Variants in SRSF3 observed in about 807,000 individuals in gnomAD.
SRSF3 encodes serine and arginine rich splicing factor 3.
For missense variants in SRSF3, 58 were observed against 217.1 expected (o/e 0.27, Z 4.61); for synonymous variants, 87 against 73.6 (o/e 1.18, Z -0.93).
chr6:36,602,071 A>C lies in SRSF3; in HGVS notation c.*82A>C. On this transcript the variant is annotated 3_prime_UTR_variant, in exon 6 of 6. Transcript: ENST00000373715. Reference sequence around the variant, plus strand: ...GTACAGAAAATTCAAGTTTTGTTTGAGACTTCATAAGCTTGGTGCATTTTT... The same window carrying C: ...GTACAGAAAATTCAAGTTTTGTTTGCGACTTCATAAGCTTGGTGCATTTTT... 6.4e-7 allele frequency: 1 copy of C among 1,552,516 alleles called. No homozygotes were observed. The highest frequency in any genetic ancestry group is 8.6e-7 in the Non-Finnish European group (1 of 1,158,022).
rs757672108 is a variant in SRSF3 at position 36,598,833 on chromosome 6, A to G, written c.207-16A>G. On this transcript the variant is annotated splice_polypyrimidine_tract_variant and intron_variant, in intron 2 of 5. Coordinates refer to ENST00000373715, the MANE Select transcript of SRSF3 (RefSeq NM_003017.5). ...AAAGTCAGGCTGTTTTAAGTTTAAT[A>G]TCTTTGCCCCCTCAGAACACTATGT... is the stretch of plus-strand genomic sequence containing the variant. 5 of 1,610,002 alleles carry G rather than the reference A, an allele frequency of 3.1e-6. No homozygotes were observed. In the South Asian group the frequency reaches 3.3e-5, roughly 11 times the overall value.
chr6:36,601,541 A>C (rs973847956), intron 4 of SRSF3, 167 bp from the exon 5 acceptor site: 9 of 656,920 alleles, frequency 1.4e-5, no homozygotes, highest in Admixed American at 8.0e-5. Flanking sequence ...ATGGGATCTC[A>C]CTTTGTTGTC....
chr6:36,602,425 G>A lies in SRSF3; in HGVS notation c.*436G>A, dbSNP rs11552549. The A allele has an allele frequency of 0.024, 5,567 of 231,918 alleles. 80 individuals are homozygous for A. Among genetic ancestry groups the A allele is most frequent in the African/African-American group, 0.039 (1,769 of 45,268 alleles). The allele number at this position is 231,918 out of a possible 1,614,324, so 14.4% of individuals were successfully genotyped here. On this transcript the variant is annotated 3_prime_UTR_variant, in exon 6 of 6. Coordinates refer to ENST00000373715, the MANE Select transcript of SRSF3 (RefSeq NM_003017.5). ...GAACAAGCAGTCTTTAAAAACTGCT[G>A]TGAAACACAGGCCATCAGGGAAAAC...
intron 3 of SRSF3, chr6:36,599,675 T>TA (rs1644118531): frequency 1.7e-6 from 1 of 585,602 alleles, no homozygotes; most frequent in African/African-American, 1.9e-5. Context: ...TCTTGCCCCT[T>TA]TTGCTATTTT....
intron 5 of SRSF3, 31 bp from the exon 6 acceptor site, chr6:36,601,931 T>C (rs1671512306): frequency 6.3e-7 from 1 of 1,575,344 alleles, no homozygotes; most frequent in Non-Finnish European, 8.6e-7. Context: ...AGATGTAATG[T>C]TTTGTTTTCT....
chr6:36,596,085 C>G (rs933346976), intron 1 of SRSF3, among the ~76,000 whole-genome samples: 1 of 151,800 alleles, frequency 6.6e-6, no homozygotes, highest in South Asian at 2.1e-4. Flanking sequence ...CCACCATGCC[C>G]GGCTAATTTT....
At chr6:36,600,537 T>C (rs1462129815) in intron 3 of SRSF3, 1 of 155,200 alleles carries the variant, frequency 6.4e-6, no homozygotes, top group Non-Finnish European at 1.4e-5. Context: ...AAAAATTTGT[T>C]GAATCCTATC....
intron 4 of SRSF3, 109 bp from the exon 5 acceptor site, chr6:36,601,599 C>T (rs1269722005): frequency 6.0e-5 from 64 of 1,073,114 alleles, no homozygotes; most frequent in Non-Finnish European, 8.5e-5. Context: ...CTGCCTCTGC[C>T]TCCCAAAATA....
intron 3 of SRSF3, 29 bp downstream of exon 3, chr6:36,599,012 A>G (rs756368138): frequency 4.3e-6 from 7 of 1,612,710 alleles, no homozygotes; most frequent in South Asian, 2.2e-5. Context: ...GTTAAGAGGT[A>G]TTGGTGTAAT....
Position 36,601,946 on chromosome 6 carries a change from T to TC in SRSF3, c.468-16_468-15insC. 1 of 1,555,272 alleles carries TC rather than the reference T, an allele frequency of 6.4e-7. No individual in the cohort carries two copies. The highest frequency in any genetic ancestry group is 8.7e-7 in the Non-Finnish European group (1 of 1,152,510). On this transcript the variant is annotated splice_polypyrimidine_tract_variant and intron_variant, in intron 5 of 5. Transcript: ENST00000373715. ...AGATGTAATGTTTTGTTTTCTTTTT[T>TC]TTTTTTTTTTTTTAGTCGATCTAGG...
chr6:36,605,219 A>T lies in SRSF3; in HGVS notation c.*3230A>T, dbSNP rs541798387. 1 of 152,080 alleles carries T rather than the reference A, an allele frequency of 6.6e-6. No individual in the cohort carries two copies. Among genetic ancestry groups the T allele is most frequent in the Non-Finnish European group, 1.5e-5 (1 of 68,020 alleles). 9.4% of individuals were successfully genotyped at this position (152,080 alleles called of 1,614,324 possible). On this transcript the variant is annotated 3_prime_UTR_variant, in exon 6 of 6. Coordinates refer to ENST00000373715, the MANE Select transcript of SRSF3 (RefSeq NM_003017.5). ...TTGAAATTTGTTTTGGCTGGGTGTG[A>T]TGGCTCATGCCTGTAATCCCGGTGC...
chr6:36,596,699 GATCTGTGGTTTTAACTGT>G, intron 1 of SRSF3, 44 bp from the exon 2 acceptor site: 1 of 1,452,972 alleles, frequency 6.9e-7, no homozygotes, highest in Non-Finnish European at 9.7e-7. Flanking sequence ...TCTTTCTAAG[GATCTGTGGTTTTAACTGT>G]AGATGTTTAG....
intron 3 of SRSF3, 160 bp from the exon 4 acceptor site, chr6:36,600,992 C>CTTTTTTTT (rs1169887735): frequency 2.9e-5 from 10 of 340,300 alleles, no homozygotes; most frequent in South Asian, 6.9e-5. Context: ...TTTTTCTTTT[C>CTTTTTTTT]TTTTTTTTCT....
Position 36,595,261 on chromosome 6 carries a change from T to G in SRSF3, c.-3+780T>G, listed in dbSNP as rs138344401. 2.9e-3 allele frequency among the ~76,000 whole-genome samples: 447 copies of G among 152,332 alleles called. 2 individuals are homozygous for G. Among genetic ancestry groups the G allele is most frequent in the African/African-American group, 9.9e-3 (411 of 41,576 alleles). ...CAGATTCATCGTCGAAGTGACTCAG[T>G]AATAAAGCTTTATCAAATACAAGTC... On this transcript the variant is annotated intron_variant, in intron 1 of 5. Coordinates refer to ENST00000373715, the MANE Select transcript of SRSF3 (RefSeq NM_003017.5).
At chr6:36,596,441 A>C (rs999593997) in intron 1 of SRSF3, among the ~76,000 whole-genome samples, 4 of 151,910 alleles carry the variant, frequency 2.6e-5, no homozygotes, top group Non-Finnish European at 5.9e-5. Context: ...TAACAGGTTA[A>C]GTCTCTTAAC....
chr6:36,604,567 A>T lies in SRSF3; in HGVS notation c.*2578A>T, dbSNP rs78736830. 0.025 allele frequency: 4,438 copies of T among 174,618 alleles called. 62 individuals are homozygous for T. The highest frequency in any genetic ancestry group is 0.039 in the African/African-American group (1,665 of 42,254). 10.8% of individuals were successfully genotyped at this position (174,618 alleles called of 1,614,324 possible). A position where few individuals can be genotyped will look rare whatever the true frequency, so the allele number is the denominator to read the frequency against. On this transcript the variant is annotated 3_prime_UTR_variant, in exon 6 of 6. Transcript: ENST00000373715. Reference sequence around the variant, plus strand: ...TACCAAGCACAGGTACCCTGTGTCTACCATTTGAGTATCTTAGAGATCCTT... The same window carrying T: ...TACCAAGCACAGGTACCCTGTGTCTTCCATTTGAGTATCTTAGAGATCCTT...
In SRSF3 at chr6:36,604,665, C is replaced by G. The variant is rs1778782365; in HGVS notation, c.*2676C>G. 2 of 161,384 alleles carry G rather than the reference C, an allele frequency of 1.2e-5. No individual in the cohort carries two copies. The highest frequency in any genetic ancestry group is 1.4e-5 in the Non-Finnish European group (1 of 73,408). 10.0% of individuals were successfully genotyped at this position (161,384 alleles called of 1,614,324 possible). A position where few individuals can be genotyped will look rare whatever the true frequency, so the allele number is the denominator to read the frequency against. On this transcript the variant is annotated 3_prime_UTR_variant, in exon 6 of 6. Coordinates refer to ENST00000373715, the MANE Select transcript of SRSF3 (RefSeq NM_003017.5). Reference sequence around the variant, plus strand: ...TGCTGTCAGTGGCTTTCACACAAACCCATATGTGGATGGAAAATCCAGGTT... The same window carrying G: ...TGCTGTCAGTGGCTTTCACACAAACGCATATGTGGATGGAAAATCCAGGTT...
chr6:36,598,742 A>G, intron 2 of SRSF3, 107 bp from the exon 3 acceptor site: 1 of 1,300,016 alleles, frequency 7.7e-7, no homozygotes, highest in Non-Finnish European at 1.1e-6. Flanking sequence ...AATTGCACAG[A>G]CACTTAGGTG....
chr6:36,597,949 C>T (rs915660424), intron 2 of SRSF3, among the ~76,000 whole-genome samples: 6 of 152,250 alleles, frequency 3.9e-5, no homozygotes, highest in Non-Finnish European at 8.8e-5. Flanking sequence ...CCTGCCTCAG[C>T]CTCTCTGAGT....
Sources: gnomAD v4.1 joint callset for allele counts (sites outside exome capture counted in the v4.1 genomes callset) on GRCh38, gnomAD v4.1.1 for gene constraint, MANE v1.5 for transcripts, NCBI Gene and HGNC (gene_info 2026-07-23, HGNC 2026-07-21) for gene names.